The following ZNF718 variants were observed in gnomAD, a reference collection of about 807,000 sequenced individuals.
ZNF718 encodes zinc finger protein 718.
In ZNF718, 3 loss-of-function variants were observed where a neutral mutation model predicts 2.6. The ratio of observed to expected loss-of-function variants is 1.16; its 90% CI spans 0.53 to 3.01. The LOEUF is 3.01. Among genes scored for constraint, ZNF718 ranks in the 30% most tolerant of loss-of-function variants. ZNF718 has a pLI of 0.03. For missense variants in ZNF718, 468 were observed against 230.0 expected, an observed-to-expected ratio of 2.03 and a Z score of -6.69; for synonymous variants, 135 against 77.9, an observed-to-expected ratio of 1.73 and a Z score of -3.86.
intron 3 of ZNF718, among the ~76,000 whole-genome samples, chr4:175,487 T>G (rs1717327749): frequency 6.6e-6 from 1 of 152,236 alleles, no homozygotes; most frequent in Admixed American, 6.5e-5. Context: ...GTTCTCCCTC[T>G]TTTTACCTTA....
chr4:153,952 T>C (rs1427678617), intron 3 of ZNF718, among the ~76,000 whole-genome samples: 1 of 152,194 alleles, frequency 6.6e-6, no homozygotes, highest in African/African-American at 2.4e-5. Flanking sequence ...TATGGTTTGA[T>C]TGTGTCCCCA....
At chr4:187,460 C>G (rs1469262230) in intron 3 of ZNF718, among the ~76,000 whole-genome samples, 1 of 152,168 alleles carries the variant, frequency 6.6e-6, no homozygotes, top group Non-Finnish European at 1.5e-5. Flanking sequence ...CTCCTGACCT[C>G]AAGATCCACC....
intron 1 of ZNF718, among the ~76,000 whole-genome samples, chr4:126,867 G>A (rs545323399): frequency 1.3e-5 from 2 of 149,146 alleles, no homozygotes; most frequent in African/African-American, 2.5e-5. Context: ...TCGCTGTGTC[G>A]CCAGGCTGGA....
intron 3 of ZNF718, among the ~76,000 whole-genome samples, chr4:133,852 G>A (rs567759203): frequency 6.6e-6 from 1 of 152,272 alleles, no homozygotes; most frequent in African/African-American, 2.4e-5. Flanking sequence ...TATATACATT[G>A]TAAAATAAAA....
intron 3 of ZNF718, among the ~76,000 whole-genome samples, chr4:193,520 G>A (rs1248110137): frequency 6.6e-6 from 1 of 152,138 alleles, no homozygotes; most frequent in Non-Finnish European, 1.5e-5. Context: ...CCCTAAGAAA[G>A]GAGTGGGGCT....
At chr4:134,549 T>TA in intron 3 of ZNF718, among the ~76,000 whole-genome samples, 1 of 152,360 alleles carries the variant, frequency 6.6e-6, no homozygotes, top group East Asian at 1.9e-4. Context: ...ATAGATCACT[T>TA]ATGATAATAC....
At chr4:151,561 A>C (rs1182927033) in intron 3 of ZNF718, among the ~76,000 whole-genome samples, 1 of 151,074 alleles carries the variant, frequency 6.6e-6, no homozygotes, top group Non-Finnish European at 1.5e-5. Context: ...GCTCACTACA[A>C]CCTCCGCCTC....
chr4:175,852 CTTTTTTTTTTT>C lies in ZNF718; in HGVS notation c.227-25217_227-25207del, dbSNP rs1158577358. Among the ~76,000 whole-genome samples, 15 of 98,932 alleles carry C rather than the reference CTTTTTTTTTTT, an allele frequency of 1.5e-4. 1 individual carries two copies. The highest frequency in any genetic ancestry group is 2.5e-4 in the Non-Finnish European group (13 of 51,136). 64.9% of individuals were successfully genotyped at this position (98,932 alleles called of 152,430 possible). On this transcript the variant is annotated intron_variant and NMD_transcript_variant, in intron 3 of 4. Transcript: ENST00000642529. The stretch of plus-strand genomic sequence containing the variant: ...CTCTAATACTCTTTGGATTAACAGT[CTTTTTTTTTTT>C]TTTTTTTTTTTGAGATGGAGTCTCG...
chr4:148,227 G>A (rs1581442317), intron 3 of ZNF718, among the ~76,000 whole-genome samples: 1 of 152,236 alleles, frequency 6.6e-6, no homozygotes, highest in South Asian at 2.1e-4. Context: ...GCCTATAGGT[G>A]TGCTTTTTGG....
downstream of ZNF718, among the ~76,000 whole-genome samples, chr4:166,809 C>A (rs571844392): frequency 2.3e-4 from 35 of 152,182 alleles, no homozygotes; most frequent in Admixed American, 1.8e-3. Context: ...GTTGCCTGTT[C>A]ACTCTGATGG....
intron 3 of ZNF718, among the ~76,000 whole-genome samples, chr4:148,461 TTGCTG>T (rs1716164463): frequency 6.6e-6 from 1 of 151,708 alleles, no homozygotes; most frequent in East Asian, 1.9e-4. Flanking sequence ...ATACAAAAAT[TTGCTG>T]GGCATGGTGG....
At chr4:167,754 G>A (rs1056779231), downstream of ZNF718, among the ~76,000 whole-genome samples, 1 of 152,154 alleles carries the variant, frequency 6.6e-6, no homozygotes, top group Non-Finnish European at 1.5e-5. Flanking sequence ...TTTTGGGCCT[G>A]AGACGATGGG....
At chr4:179,396 ATT>A (rs1439696538) in intron 3 of ZNF718, among the ~76,000 whole-genome samples, 1 of 152,136 alleles carries the variant, frequency 6.6e-6, no homozygotes, top group African/African-American at 2.4e-5. Flanking sequence ...GAATTTTAGG[ATT>A]TTATCAAATA....
chr4:136,514 G>A, intron 3 of ZNF718: 1 of 521,294 alleles, frequency 1.9e-6, no homozygotes, highest in Non-Finnish European at 3.9e-6. Flanking sequence ...TGTTTTATCT[G>A]CAGCCATGTC....
downstream of ZNF718, among the ~76,000 whole-genome samples, chr4:169,008 C>A (rs527925766): frequency 6.6e-6 from 1 of 152,170 alleles, no homozygotes; most frequent in Non-Finnish European, 1.5e-5. Flanking sequence ...AAATTTCCCT[C>A]CACACACTGC....
chr4:155,771 G>A (rs1716539919), intron 3 of ZNF718, among the ~76,000 whole-genome samples: 1 of 152,142 alleles, frequency 6.6e-6, no homozygotes, highest in African/African-American at 2.4e-5. Context: ...TGTTGGGAAG[G>A]CATAATTTGT....
chr4:174,359 A>G (rs1222475501), intron 3 of ZNF718, among the ~76,000 whole-genome samples: 1 of 152,192 alleles, frequency 6.6e-6, no homozygotes, highest in Non-Finnish European at 1.5e-5. Context: ...GAAATGGGTT[A>G]TCAAATGTGA....
At chr4:144,603 GA>G (rs1715965766) in intron 3 of ZNF718, among the ~76,000 whole-genome samples, 1 of 152,138 alleles carries the variant, frequency 6.6e-6, no homozygotes, top group South Asian at 2.1e-4. Context: ...TGGGTAGTAT[GA>G]AAATTTTAAT....
chr4:167,416 A>G (rs1335091015), downstream of ZNF718, among the ~76,000 whole-genome samples: 1 of 152,176 alleles, frequency 6.6e-6, no homozygotes, highest in Non-Finnish European at 1.5e-5. Context: ...TGGGGATGGC[A>G]TTGAATCTAT....
Sources: gnomAD v4.1 joint callset for allele counts (sites outside exome capture counted in the v4.1 genomes callset) on GRCh38, gnomAD v4.1.1 for gene constraint, MANE v1.5 for transcripts, NCBI Gene and HGNC (gene_info 2026-07-23, HGNC 2026-07-21) for gene names.